The following CPLANE1 variants were observed in gnomAD, a reference collection of about 807,000 sequenced individuals.
The protein encoded by CPLANE1 is ciliogenesis and planar polarity effector complex subunit 1, also known as ciliogenesis and planar polarity effector 1.
In CPLANE1, 263 loss-of-function variants were observed where a neutral mutation model predicts 362.5. The ratio of observed to expected loss-of-function variants is 0.73; its 90% confidence interval spans 0.66 to 0.80. The LOEUF is 0.80. CPLANE1 is among the 30% of genes least tolerant of loss of function. The pLI, the probability that CPLANE1 is intolerant of heterozygous loss-of-function variation, is 0.00. For missense variants in CPLANE1, 3,461 were observed against 3,793.4 expected (o/e 0.91, Z 2.30); for synonymous variants, 1,212 against 1,302.6 (o/e 0.93, Z 1.50).
intron 18 of CPLANE1, among the ~76,000 whole-genome samples, chr5:37,203,118 A>T (rs1447119924): frequency 6.6e-6 from 1 of 152,206 alleles, no homozygotes; most frequent in African/African-American, 2.4e-5. Context: ...TATACAGTTC[A>T]ATAAAATTAA....
At chr5:37,190,601 A>AT (rs757713478) in intron 21 of CPLANE1, among the ~76,000 whole-genome samples, 139 of 152,234 alleles carry the variant, frequency 9.1e-4, no homozygotes, top group Admixed American at 2.7e-3. Context: ...GATTGGATAG[A>AT]TTTTTTTAAA....
In CPLANE1 at chr5:37,244,476, A is replaced by T. The variant is rs1581053950; in HGVS notation, c.469T>A (p.Leu157Met). The T allele has an allele frequency of 6.4e-7, 1 of 1,552,052 alleles. No homozygotes were observed. The stretch of plus-strand genomic sequence containing the variant: ...ATGACCTGGGACCACCGACCCGCCA[A>T]TGAAAGGCTTTTAGAAGATAAGATA... ...KNILSSKSLSLAGRWSQVIPE... is the reference protein window; with the variant it reads ...KNILSSKSLSMAGRWSQVIPE... Residue 157 changes from leucine (L) to methionine (M), a missense_variant, in exon 5 of 53, where the codon TTG becomes ATG. Coordinates refer to ENST00000651892, the MANE Select transcript of CPLANE1 (RefSeq NM_001384732.1).
At chr5:37,130,854 T>C (rs2150224751) in intron 46 of CPLANE1, among the ~76,000 whole-genome samples, 1 of 152,358 alleles carries the variant, frequency 6.6e-6, no homozygotes, top group African/African-American at 2.4e-5. Flanking sequence ...TAAACAGATC[T>C]TTCCTCCTAT....
chr5:37,110,775 C>T (rs1758959078), intron 51 of CPLANE1, among the ~76,000 whole-genome samples: 1 of 151,796 alleles, frequency 6.6e-6, no homozygotes, highest in Non-Finnish European at 1.5e-5. Context: ...GGAGATGATC[C>T]ACCCCAGAAC....
chr5:37,184,628 C>T (rs560957028), intron 25 of CPLANE1, among the ~76,000 whole-genome samples, 160 bp downstream of exon 25: 1 of 152,134 alleles, frequency 6.6e-6, no homozygotes, highest in African/African-American at 2.4e-5. Flanking sequence ...TCATTTTATA[C>T]TCCTAATATT....
At chr5:37,111,151 C>T (rs1759163505) in intron 51 of CPLANE1, among the ~76,000 whole-genome samples, 1 of 150,198 alleles carries the variant, frequency 6.7e-6, no homozygotes, top group African/African-American at 2.5e-5. Flanking sequence ...GACAGAGTCT[C>T]GCTCTGTCAC....
At position 37,186,379 on chromosome 5, in the gene CPLANE1, C is replaced by A. The variant is rs781367784; in HGVS notation, c.4096G>T (p.Val1366Leu). 6.3e-7 allele frequency: 1 copy of A among 1,582,462 alleles called. No individual in the cohort carries two copies. The highest frequency in any genetic ancestry group is 8.7e-7 in the Non-Finnish European group (1 of 1,154,758). Reference sequence around the variant, plus strand: ...TCCTCAGGATAGGGAAATGCTTTCACGAAAATTTCTGCTACCTTCAGAAAA... The same window carrying A: ...TCCTCAGGATAGGGAAATGCTTTCAAGAAAATTTCTGCTACCTTCAGAAAA... ...PPIRKVAEIFVKAFPYPEDVR... is the reference protein window; with the variant it reads ...PPIRKVAEIFLKAFPYPEDVR... The change falls in exon 24 of 53, where the codon GTG becomes TTG. Residue 1366 changes from valine to leucine, a missense_variant. Physicochemically the swap from Val to Leu is conservative, Grantham distance 32 (BLOSUM62 1). Around this residue, in one of 2 missense-constraint regions of CPLANE1, gnomAD observed 3,380 missense variants for 3,666.1 expected, o/e 0.92. Transcript: ENST00000651892.
intron 32 of CPLANE1, 152 bp downstream of exon 32, chr5:37,173,603 C>T (rs1780384162): frequency 1.5e-6 from 1 of 672,088 alleles, no homozygotes; most frequent in South Asian, 2.3e-5. Context: ...CTGCGCCCAA[C>T]CAGTTATAAA....
intron 44 of CPLANE1, chr5:37,140,393 C>T (rs547523917): frequency 1.5e-5 from 15 of 983,896 alleles, no homozygotes; most frequent in African/African-American, 1.7e-5. Context: ...ATTTTATTTT[C>T]GTTCTCAGAA....
At chr5:37,238,317 A>G (rs1799474377) in intron 8 of CPLANE1, among the ~76,000 whole-genome samples, 1 of 151,344 alleles carries the variant, frequency 6.6e-6, no homozygotes. Context: ...GGACTACAGG[A>G]ACATGCCACC....
At chr5:37,227,847 C>A in intron 9 of CPLANE1, 30 bp from the exon 10 acceptor site, 1 of 1,519,168 alleles carries the variant, frequency 6.6e-7, no homozygotes, top group South Asian at 1.3e-5. Flanking sequence ...ATACAAGAAT[C>A]AGTAAGAGAA....
At chr5:37,124,925 C>T in intron 47 of CPLANE1, 1 of 1,076,834 alleles carries the variant, frequency 9.3e-7, no homozygotes, top group Non-Finnish European at 1.1e-6. Context: ...CTGCCAATGA[C>T]TCTCATTGAA....
rs139496915 is a variant in CPLANE1 at position 37,245,595 on chromosome 5, G to A, written c.221C>T (p.Ala74Val). 2.0e-4 allele frequency: 300 copies of A among 1,506,938 alleles called. No individual in the cohort carries two copies. The highest frequency in any genetic ancestry group is 2.2e-4 in the Non-Finnish European group (246 of 1,128,236). 93.3% of individuals were successfully genotyped at this position (1,506,938 alleles called of 1,614,324 possible). A position where few individuals can be genotyped will look rare whatever the true frequency, so the allele number is the denominator to read the frequency against. The change falls in exon 4 of 53, where the codon GCC becomes GTC. Residue 74 changes from alanine (A) to valine (V), a missense_variant. Around this residue, in one of 2 missense-constraint regions of CPLANE1, gnomAD observed 3,380 missense variants for 3,666.1 expected, o/e 0.92. Coordinates refer to ENST00000651892, the MANE Select transcript of CPLANE1 (RefSeq NM_001384732.1). ...TGTAGTTAGTACCCCAGCCAGCCAG[G>A]CATCTGTTTCCAAAAATGAAATGCA... is the stretch of plus-strand genomic sequence containing the variant. ...VIVLTTSSND[A>V]WLAGVLTTGE...
intron 46 of CPLANE1, among the ~76,000 whole-genome samples, chr5:37,128,213 C>T (rs301895): frequency 0.13 from 19,810 of 152,030 alleles, 1,587 homozygotes; most frequent in African/African-American, 0.22. Context: ...CCCTATGTTG[C>T]CCCTGTATTC....
chr5:37,139,483 C>A, intron 44 of CPLANE1, 113 bp from the exon 45 acceptor site: 1 of 1,067,270 alleles, frequency 9.4e-7, no homozygotes, highest in Non-Finnish European at 1.2e-6. Context: ...TTTAAACTTC[C>A]AAATTGGTTT....
chr5:37,238,442 C>A (rs1253239872), intron 8 of CPLANE1, among the ~76,000 whole-genome samples: 3 of 150,624 alleles, frequency 2.0e-5, no homozygotes, highest in Non-Finnish European at 2.9e-5. Context: ...CTCAGCCTCC[C>A]AAAGTGCTGG....
intron 39 of CPLANE1, 114 bp downstream of exon 39, chr5:37,158,110 C>T: frequency 8.3e-7 from 1 of 1,204,954 alleles, no homozygotes; most frequent in African/African-American, 1.5e-5. Context: ...TACTACAAAG[C>T]TACATAGATG....
chr5:37,212,350 T>C, intron 16 of CPLANE1: 2 of 851,924 alleles, frequency 2.3e-6, no homozygotes, highest in South Asian at 2.6e-5. Context: ...TTAACACGCT[T>C]TTCTCATGAA....
At chr5:37,115,596 T>C (rs1488644440) in intron 50 of CPLANE1, among the ~76,000 whole-genome samples, 2 of 143,730 alleles carry the variant, frequency 1.4e-5, no homozygotes, top group Non-Finnish European at 3.0e-5. Flanking sequence ...GACTTTTATT[T>C]CTTTTTTTTT....
Sources: allele counts gnomAD v4.1 joint callset (sites outside exome capture counted in the v4.1 genomes callset), GRCh38; gene constraint gnomAD v4.1.1; regional missense constraint gnomAD v4.1.1; transcripts MANE v1.5; gene names NCBI Gene and HGNC (gene_info 2026-07-23, HGNC 2026-07-21).